The following ERC1 variants were observed in gnomAD, a reference collection of about 807,000 sequenced individuals.
ERC1 encodes RAB6 interacting protein 2.
ERC1 carries 56 observed loss-of-function variants against 132.0 expected under a neutral mutation model. The ratio of observed to expected loss-of-function variants is 0.42; its 90% CI spans 0.34 to 0.53. The LOEUF (loss-of-function observed/expected upper bound fraction) is 0.53, where lower values mean the gene tolerates loss of function less well. ERC1 is among the 20% of genes least tolerant of loss of function. The pLI, the probability that ERC1 is intolerant of heterozygous loss-of-function variation, is 0.03. For synonymous variants in ERC1, 478 were observed against 476.1 expected, an observed-to-expected ratio of 1.00 and a Z score of -0.05; for missense variants, 1,202 against 1,349.9, an observed-to-expected ratio of 0.89 and a Z score of 1.72.
rs750714317 is a variant in ERC1 at position 1,444,557 on chromosome 12, C to G, written c.3025-5C>G. The G allele has an allele frequency of 1.3e-6, 2 of 1,586,156 alleles. No individual in the cohort carries two copies. Among genetic ancestry groups the G allele is most frequent in the Non-Finnish European group, 8.6e-7 (1 of 1,165,422 alleles). On this transcript the variant is annotated splice_region_variant and splice_polypyrimidine_tract_variant and intron_variant, in intron 17 of 18. Transcript: ENST00000360905. ...ATTTTATTTTATTTTATTTTTTTGC[C>G]TTAGATCATCCAGCCCCTCTTAGAA...
intron 8 of ERC1, among the ~76,000 whole-genome samples, chr12:1,164,970 T>A (rs1952258413): frequency 6.6e-6 from 1 of 152,230 alleles, no homozygotes; most frequent in Admixed American, 6.5e-5. Flanking sequence ...TTTTAGGGTT[T>A]CTACTGTTAT....
At chr12:999,731 G>T (rs550424314) in intron 1 of ERC1, among the ~76,000 whole-genome samples, 3 of 151,338 alleles carry the variant, frequency 2.0e-5, no homozygotes, top group Non-Finnish European at 4.4e-5. Context: ...GAGTAGATGG[G>T]ATTATAGGCG....
chr12:1,267,364 T>C (rs573451694), intron 14 of ERC1, among the ~76,000 whole-genome samples: 46 of 152,366 alleles, frequency 3.0e-4, no homozygotes, highest in Admixed American at 2.0e-4. Flanking sequence ...CCTAAACAAG[T>C]CTCAGAATTG....
At chr12:1,010,790 G>A (rs1319552740) in intron 1 of ERC1, among the ~76,000 whole-genome samples, 1 of 151,938 alleles carries the variant, frequency 6.6e-6, no homozygotes, top group Admixed American at 6.6e-5. Context: ...TGGGATTACC[G>A]AACCCGGCTG....
intron 18 of ERC1, among the ~76,000 whole-genome samples, chr12:1,484,654 T>C (rs924092868): frequency 1.3e-5 from 2 of 150,614 alleles, no homozygotes; most frequent in African/African-American, 4.9e-5. Context: ...CTCGGCTCAC[T>C]GTAAGCTCCG....
chr12:1,321,753 C>T (rs1028697936), intron 15 of ERC1, among the ~76,000 whole-genome samples: 3 of 152,108 alleles, frequency 2.0e-5, no homozygotes, highest in African/African-American at 7.2e-5. Flanking sequence ...TACATCTCTT[C>T]TATAAGTTTA....
chr12:1,388,579 T>C (rs2089643839), intron 16 of ERC1, among the ~76,000 whole-genome samples: 1 of 152,128 alleles, frequency 6.6e-6, no homozygotes, highest in African/African-American at 2.4e-5. Flanking sequence ...GAGAGTAGCT[T>C]GGACTTGCTC....
At chr12:1,108,779 TAA>T (rs564687736) in intron 4 of ERC1, among the ~76,000 whole-genome samples, 72 of 152,214 alleles carry the variant, frequency 4.7e-4, no homozygotes, top group Non-Finnish European at 1.3e-4. Context: ...AATGAATTTA[TAA>T]AAGACAGTTT....
At chr12:1,066,012 A>G (rs1314160763) in intron 2 of ERC1, among the ~76,000 whole-genome samples, 1 of 152,242 alleles carries the variant, frequency 6.6e-6, no homozygotes, top group Admixed American at 6.5e-5. Flanking sequence ...GAGGCTGGGA[A>G]GAATGAGGAA....
chr12:1,185,734 T>G (rs1003245625), intron 11 of ERC1, among the ~76,000 whole-genome samples: 6 of 151,584 alleles, frequency 4.0e-5, no homozygotes, highest in African/African-American at 7.3e-5. Flanking sequence ...CTAGGTTGTT[T>G]TTTTTTTTTT....
At chr12:1,023,301 T>C (rs978909812) in intron 1 of ERC1, among the ~76,000 whole-genome samples, 21 of 152,166 alleles carry the variant, frequency 1.4e-4, no homozygotes, top group Middle Eastern at 3.2e-3. Flanking sequence ...TTTGATAATA[T>C]GTGTGTATAT....
intron 17 of ERC1, among the ~76,000 whole-genome samples, chr12:1,439,308 C>T (rs975820781): frequency 6.6e-6 from 1 of 152,200 alleles, no homozygotes; most frequent in African/African-American, 2.4e-5. Flanking sequence ...AACAACTTAC[C>T]TGTCTTCCTA....
At chr12:1,265,535 G>T (rs2077425202) in intron 14 of ERC1, among the ~76,000 whole-genome samples, 1 of 152,118 alleles carries the variant, frequency 6.6e-6, no homozygotes, top group Non-Finnish European at 1.5e-5. Flanking sequence ...CGCCAGTGTA[G>T]TATTTGTTAA....
rs1262447812 is a variant in ERC1 at position 1,254,665 on chromosome 12, C to T, written c.2488-8369C>T. Among the ~76,000 whole-genome samples the T allele has an allele frequency of 2.0e-5, 3 of 152,110 alleles. No individual in the cohort carries two copies. In the East Asian group the frequency reaches 5.8e-4, roughly 29 times the overall value. The stretch of plus-strand genomic sequence containing the variant: ...AGTGGCTGGGATTACCGGTGTGCAT[C>T]ACCACCCAGGATAATTTTTGTATTT... On this transcript the variant is annotated intron_variant, in intron 13 of 18. Transcript: ENST00000360905.
At chr12:1,042,122 C>G (rs1228365674) in intron 2 of ERC1, among the ~76,000 whole-genome samples, 1 of 152,102 alleles carries the variant, frequency 6.6e-6, no homozygotes, top group Non-Finnish European at 1.5e-5. Context: ...ATTGCACGCT[C>G]CGCTTCCCAG....
intron 12 of ERC1, among the ~76,000 whole-genome samples, chr12:1,219,646 T>TTTTTTG (rs1846991558): frequency 6.6e-6 from 1 of 151,476 alleles, no homozygotes; most frequent in Non-Finnish European, 1.5e-5. Flanking sequence ...TTTTTTTTTT[T>TTTTTTG]TTCTTTTTTG....
chr12:1,041,352 C>G (rs1229425026), intron 2 of ERC1, among the ~76,000 whole-genome samples: 1 of 152,128 alleles, frequency 6.6e-6, no homozygotes, highest in Non-Finnish European at 1.5e-5. Context: ...GGACTACAGG[C>G]ATCTGCCACC....
intron 18 of ERC1, chr12:1,445,130 T>G (rs2154411542): frequency 6.0e-6 from 1 of 166,802 alleles, no homozygotes; most frequent in South Asian, 1.7e-4. Flanking sequence ...CCTCACATAC[T>G]TTCCATTTTT....
chr12:1,418,610 T>G (rs1565395462), intron 17 of ERC1, among the ~76,000 whole-genome samples: 1 of 99,490 alleles, frequency 1.0e-5, no homozygotes, highest in Non-Finnish European at 1.9e-5. Context: ...TTTCTTTCTT[T>G]CTTTCTTTCT....
Sources: allele counts gnomAD v4.1 joint callset (sites outside exome capture counted in the v4.1 genomes callset), GRCh38; gene constraint gnomAD v4.1.1; transcripts MANE v1.5; gene names NCBI Gene and HGNC (gene_info 2026-07-23, HGNC 2026-07-21).